TMEM266: variants seen among roughly 807,000 people sequenced by gnomAD.
TMEM266 encodes the protein transmembrane protein 266, also known as Hv1 related protein 1.
A neutral mutation model predicts 50.5 loss-of-function variants in TMEM266; 33 were observed. The observed-to-expected ratio is 0.65, with a 90% CI of 0.50 to 0.87. TMEM266 has a LOEUF of 0.87. Among genes scored for constraint, TMEM266 ranks in the 40% least tolerant of loss-of-function variants. TMEM266 has a pLI of 0.00. For missense variants in TMEM266, 655 were observed against 695.1 expected (o/e 0.94, Z 0.65); for synonymous variants, 310 against 292.3 (o/e 1.06, Z -0.62).
intron 1 of TMEM266, among the ~76,000 whole-genome samples, chr15:76,117,124 C>G (rs2037263747): frequency 6.6e-6 from 1 of 152,110 alleles, no homozygotes; most frequent in African/African-American, 2.4e-5. Context: ...GTCTCAAACT[C>G]CCAACCTCAG....
chr15:76,066,444 A>G (rs1334672820), intron 1 of TMEM266, among the ~76,000 whole-genome samples: 1 of 152,210 alleles, frequency 6.6e-6, no homozygotes, highest in African/African-American at 2.4e-5. Flanking sequence ...AGAAGTGTTT[A>G]GAAGTTTTTT....
At chr15:76,060,599 A>G (rs1051335195) in intron 1 of TMEM266, among the ~76,000 whole-genome samples, 2 of 152,220 alleles carry the variant, frequency 1.3e-5, no homozygotes, top group Non-Finnish European at 1.5e-5. Flanking sequence ...TTCAGGGGAC[A>G]GGTGCAAGCT....
chr15:76,088,380 A>G (rs988743471), intron 1 of TMEM266, among the ~76,000 whole-genome samples: 5 of 152,206 alleles, frequency 3.3e-5, no homozygotes, highest in African/African-American at 1.2e-4. Flanking sequence ...TCAGCCAGGC[A>G]TAGTGGCTCA....
intron 9 of TMEM266, 100 bp downstream of exon 9, chr15:76,192,257 C>G: frequency 8.7e-7 from 1 of 1,148,268 alleles, no homozygotes; most frequent in Non-Finnish European, 1.1e-6. Context: ...GATGGGGTTC[C>G]TTTCAGGTGT....
chr15:76,149,791 T>C (rs2037810312), intron 3 of TMEM266, among the ~76,000 whole-genome samples: 1 of 152,210 alleles, frequency 6.6e-6, no homozygotes, highest in Non-Finnish European at 1.5e-5. Context: ...AGTTAACATT[T>C]GTAAAGTGCT....
chr15:76,133,620 C>CAGAGCT (rs2037547936), intron 1 of TMEM266, among the ~76,000 whole-genome samples: 1 of 152,076 alleles, frequency 6.6e-6, no homozygotes, highest in Non-Finnish European at 1.5e-5. Flanking sequence ...CTCCAGGTCA[C>CAGAGCT]AGAGCTAGTA....
chr15:76,202,129 G>T, intron 9 of TMEM266, 73 bp from the exon 10 acceptor site: 1 of 1,288,290 alleles, frequency 7.8e-7, no homozygotes, highest in Non-Finnish European at 1.1e-6. Context: ...GTGACCGTGG[G>T]GGTGGGGACA....
chr15:76,135,279 G>GTGTA (rs2037571074), intron 2 of TMEM266, among the ~76,000 whole-genome samples: 1 of 152,218 alleles, frequency 6.6e-6, no homozygotes, highest in African/African-American at 2.4e-5. Flanking sequence ...TAAGGAAAGG[G>GTGTA]TGTAGGCTAA....
chr15:76,126,374 C>CATATATATATATATATATATATATAT (rs61446223), intron 1 of TMEM266, among the ~76,000 whole-genome samples: 28 of 137,810 alleles, frequency 2.0e-4, no homozygotes, highest in African/African-American at 6.4e-4. Context: ...CACCCACAGA[C>CATATATATATATATATATATATATAT]ATATATATAT....
intron 9 of TMEM266, among the ~76,000 whole-genome samples, chr15:76,193,101 T>C (rs987972707): frequency 1.3e-5 from 2 of 152,234 alleles, no homozygotes; most frequent in African/African-American, 2.4e-5. Context: ...GGCTTCAGTG[T>C]TCCCTTCTGT....
At chr15:76,173,126 C>T (rs1043173857) in intron 7 of TMEM266, among the ~76,000 whole-genome samples, 10 of 152,126 alleles carry the variant, frequency 6.6e-5, no homozygotes, top group Non-Finnish European at 2.9e-5. Context: ...GAGGAGGCAG[C>T]GGCATCTTGG....
At chr15:76,125,202 A>G (rs1307608733) in intron 1 of TMEM266, among the ~76,000 whole-genome samples, 2 of 152,130 alleles carry the variant, frequency 1.3e-5, no homozygotes, top group East Asian at 3.9e-4. Context: ...AGGAAAACAT[A>G]TGGTGAAAGC....
chr15:76,078,180 T>G (rs1309825661), intron 1 of TMEM266, among the ~76,000 whole-genome samples: 1 of 152,046 alleles, frequency 6.6e-6, no homozygotes, highest in Non-Finnish European at 1.5e-5. Context: ...AAAGCTTTGT[T>G]GTGGTCCTGG....
At chr15:76,098,376 C>T (rs2036952051) in intron 1 of TMEM266, among the ~76,000 whole-genome samples, 1 of 152,088 alleles carries the variant, frequency 6.6e-6, no homozygotes, top group Admixed American at 6.5e-5. Context: ...GAGGACCACT[C>T]CCGACCCTGT....
intron 1 of TMEM266, among the ~76,000 whole-genome samples, chr15:76,072,357 G>A (rs2036550247): frequency 3.3e-5 from 5 of 149,456 alleles, no homozygotes; most frequent in Admixed American, 2.7e-4. Flanking sequence ...AGAATCTCTT[G>A]AACCTGGGAG....
At chr15:76,075,917 C>T (rs1223954186) in intron 1 of TMEM266, among the ~76,000 whole-genome samples, 1 of 118,730 alleles carries the variant, frequency 8.4e-6, no homozygotes, top group Admixed American at 1.2e-4. Flanking sequence ...AGTGCAGTGG[C>T]ACAATCATGG....
At chr15:76,078,511 A>G (rs2036638009) in intron 1 of TMEM266, among the ~76,000 whole-genome samples, 1 of 152,216 alleles carries the variant, frequency 6.6e-6, no homozygotes, top group South Asian at 2.1e-4. Flanking sequence ...AAATTTGCCA[A>G]GCTAAAGCCA....
At chr15:76,187,771 C>A (rs1402980204) in intron 8 of TMEM266, among the ~76,000 whole-genome samples, 2 of 152,176 alleles carry the variant, frequency 1.3e-5, no homozygotes, top group Non-Finnish European at 2.9e-5. Context: ...TTTGTCTTAA[C>A]TTTGGGACAG....
chr15:76,169,536 C>A (rs929319208), intron 5 of TMEM266, among the ~76,000 whole-genome samples: 3 of 152,140 alleles, frequency 2.0e-5, no homozygotes, highest in Non-Finnish European at 4.4e-5. Context: ...ACAGGGAGCA[C>A]TGAAAATGGC....
Sources: allele counts gnomAD v4.1 joint callset (sites outside exome capture counted in the v4.1 genomes callset), GRCh38; gene constraint gnomAD v4.1.1; transcripts MANE v1.5; gene names NCBI Gene and HGNC (gene_info 2026-07-23, HGNC 2026-07-21).